The following SBNO1 variants were observed in gnomAD, a reference collection of about 807,000 sequenced individuals.
SBNO1 encodes the protein protein strawberry notch homolog 1.
SBNO1 carries 23 observed loss-of-function variants against 173.6 expected under a neutral mutation model. The observed-to-expected ratio is 0.13, with a 90% CI of 0.10 to 0.19. The LOEUF is 0.19. Ranked by LOEUF, SBNO1 falls within the 10% of genes least tolerant of loss-of-function variation. The pLI is 1.00. For missense variants in SBNO1, 1,238 were observed against 1,671.2 expected (o/e 0.74, Z 4.52); for synonymous variants, 632 against 571.5 (o/e 1.11, Z -1.51).
chr12:123,308,743 A>G (rs1329800013), intron 28 of SBNO1, among the ~76,000 whole-genome samples: 5 of 152,090 alleles, frequency 3.3e-5, no homozygotes, highest in African/African-American at 1.2e-4. Context: ...CAAGGCAGGC[A>G]GATCACCTGA....
chr12:123,314,486 C>T (rs977422177), intron 23 of SBNO1, among the ~76,000 whole-genome samples: 2 of 152,004 alleles, frequency 1.3e-5, no homozygotes, highest in Admixed American at 1.3e-4. Context: ...CACACCACCA[C>T]GCCCAGCTAA....
chr12:123,312,975 C>T (rs1013474791), intron 24 of SBNO1, among the ~76,000 whole-genome samples: 12 of 151,816 alleles, frequency 7.9e-5, no homozygotes, highest in East Asian at 1.9e-4. Context: ...GAGGCTAAAG[C>T]GGGCAGATCA....
chr12:123,298,942 A>G (rs1369222656), intron 30 of SBNO1, among the ~76,000 whole-genome samples: 1 of 152,046 alleles, frequency 6.6e-6, no homozygotes, highest in Non-Finnish European at 1.5e-5. Flanking sequence ...GTTTAAAATA[A>G]TTAGGTATGG....
At chr12:123,317,381 A>T (rs781450600) in intron 20 of SBNO1, 25 bp from the exon 21 acceptor site, 8 of 1,612,492 alleles carry the variant, frequency 5.0e-6, no homozygotes, top group Non-Finnish European at 5.1e-6. Flanking sequence ...AGAAAAATAA[A>T]GTCACTTTTG....
intron 2 of SBNO1, among the ~76,000 whole-genome samples, chr12:123,348,504 C>G (rs1566052128): frequency 1.3e-5 from 2 of 151,570 alleles, no homozygotes; most frequent in Non-Finnish European, 2.9e-5. Flanking sequence ...CAGTGGCTCA[C>G]GCCTGTAATC....
chr12:123,296,333 G>A (rs1403398461), intron 31 of SBNO1, among the ~76,000 whole-genome samples: 3 of 122,772 alleles, frequency 2.4e-5, no homozygotes, highest in Admixed American at 8.3e-5. Context: ...TTAACAGGAG[G>A]TTAAGAATAT....
Position 123,345,483 on chromosome 12 carries a change from G to T in SBNO1, c.325C>A (p.Pro109Thr). Residue 109 changes from proline (P) to threonine (T), a missense_variant, in exon 4 of 32, where the codon CCA becomes ACA. Coordinates refer to ENST00000602398, the MANE Select transcript of SBNO1 (RefSeq NM_001167856.3). ...LGSTIVMTKTPPVTTNRQTIT... is the reference protein window; with the variant it reads ...LGSTIVMTKTTPVTTNRQTIT... ...GTTTGCCTGTTGGTTGTTACAGGTG[G>T]TGTTTTAGTCATTACAATTGTAGAT... 2 of 1,613,976 alleles carry T rather than the reference G, an allele frequency of 1.2e-6. No homozygotes were observed. The highest frequency in any genetic ancestry group is 2.2e-5 in the South Asian group (2 of 91,076).
At chr12:123,364,676 GA>G in intron 1 of SBNO1, 24 bp downstream of exon 1, 3 of 983,722 alleles carry the variant, frequency 3.0e-6, no homozygotes, top group Non-Finnish European at 2.4e-6. Flanking sequence ...TGTGGAAGGA[GA>G]AAAGGGCCAA....
rs139371153 is a variant in SBNO1, at chr12:123,348,095, G to C, written c.171C>G (p.Thr57=). The C allele has an allele frequency of 2.5e-6, 4 of 1,611,608 alleles. No homozygotes were observed. Among genetic ancestry groups the C allele is most frequent in the Non-Finnish European group, 3.4e-6 (4 of 1,178,164 alleles). ...PLSALELGLE[T]EAAVPVKQEP... The stretch of plus-strand genomic sequence containing the variant: ...CTTGTTTAACAGGAACTGCTGCTTC[G>C]GTCTCCAAACCTAGTTCTAATGCAC... The change falls in exon 3 of 32, where the codon ACC becomes ACG. Residue 57 remains threonine, a synonymous_variant. Transcript: ENST00000602398.
intron 30 of SBNO1, among the ~76,000 whole-genome samples, chr12:123,298,447 G>A (rs534963840): frequency 4.7e-4 from 72 of 152,052 alleles, no homozygotes; most frequent in African/African-American, 1.6e-3. Context: ...TAGTAGAGAC[G>A]GTGTTTTGCC....
At chr12:123,340,213 T>C (rs531634931) in intron 5 of SBNO1, among the ~76,000 whole-genome samples, 1 of 152,306 alleles carries the variant, frequency 6.6e-6, no homozygotes, top group East Asian at 1.9e-4. Flanking sequence ...TTAACAATGT[T>C]ATACATGGAG....
At position 123,327,950 on chromosome 12, in the gene SBNO1, T is replaced by C; in HGVS notation, c.1374A>G (p.Ala458=). Residue 458 remains alanine (A), a synonymous_variant, in exon 11 of 32, where the codon GCA becomes GCG. Coordinates refer to ENST00000602398, the MANE Select transcript of SBNO1 (RefSeq NM_001167856.3). ...GSSKPTKTGL[A]VLELQNKLPK... is the part of the protein sequence containing the mutation. ...GCAATTTGTTCTGAAGCTCTAAAACTGCTAAGCCTGTCTTGGTTGGCTTTG... is the reference window on the plus strand; with the variant it reads ...GCAATTTGTTCTGAAGCTCTAAAACCGCTAAGCCTGTCTTGGTTGGCTTTG... 1 of 1,613,530 alleles carries C rather than the reference T, an allele frequency of 6.2e-7. No individual in the cohort carries two copies.
rs1024695620 is a variant in SBNO1 at position 123,289,113 on chromosome 12, T to G, written c.*6795A>C. 6.6e-6 allele frequency: 1 copy of G among 152,196 alleles called. No homozygotes were observed. Among genetic ancestry groups the G allele is most frequent in the Non-Finnish European group, 1.5e-5 (1 of 68,042 alleles). 9.4% of individuals were successfully genotyped at this position (152,196 alleles called of 1,614,324 possible). ...GCGCAAAGAAAGCACAACCCGTGAC[T>G]CGTATTTAATTTATTTAGAATCTTA... is the stretch of plus-strand genomic sequence containing the variant. On this transcript the variant is annotated 3_prime_UTR_variant, in exon 32 of 32. Coordinates refer to ENST00000602398, the MANE Select transcript of SBNO1 (RefSeq NM_001167856.3).
intron 1 of SBNO1, among the ~76,000 whole-genome samples, chr12:123,355,592 A>C (rs959563291): frequency 6.6e-6 from 1 of 151,922 alleles, no homozygotes; most frequent in Non-Finnish European, 1.5e-5. Context: ...CGACAGACCG[A>C]GACTCCATCT....
intron 2 of SBNO1, 85 bp downstream of exon 2, chr12:123,350,218 CACCCCAG>C (rs1873717435): frequency 7.0e-7 from 1 of 1,433,786 alleles, no homozygotes; most frequent in Admixed American, 1.9e-5. Context: ...TGCACCACTG[CACCCCAG>C]CCTGGGCCAC....
Position 123,317,315 on chromosome 12 carries a change from T to C in SBNO1, c.2841A>G (p.Ser947=). 1.9e-6 allele frequency: 3 copies of C among 1,614,004 alleles called. No individual in the cohort carries two copies. Among genetic ancestry groups the C allele is most frequent in the Non-Finnish European group, 2.5e-6 (3 of 1,179,898 alleles). The change falls in exon 21 of 32, where the codon TCA becomes TCG. Residue 947 remains serine, a synonymous_variant. Transcript: ENST00000602398. ...IISEAASSGI[S]LQADRRAKNQ... is the part of the protein sequence containing the mutation. ...TTTTAGCTCTCCTATCTGCTTGTAA[T>C]GAAATACCCGAGCTGGCAGCTTCTG...
chr12:123,316,703 C>CTTT (rs545944754), intron 21 of SBNO1, among the ~76,000 whole-genome samples: 16 of 123,876 alleles, frequency 1.3e-4, no homozygotes, highest in South Asian at 9.9e-4. Flanking sequence ...TTTTCTTCTT[C>CTTT]TTTTTTTTTT....
chr12:123,336,560 ACTCTCTT>A (rs1871865972), intron 5 of SBNO1, 69 bp from the exon 6 acceptor site: 3 of 944,920 alleles, frequency 3.2e-6, no homozygotes, highest in Non-Finnish European at 4.9e-6. Flanking sequence ...ACACAGAAAA[ACTCTCTT>A]GTAGGAACAC....
At chr12:123,347,915 C>T (rs772113092) in intron 3 of SBNO1, 114 bp downstream of exon 3, 6 of 546,304 alleles carry the variant, frequency 1.1e-5, no homozygotes, top group Non-Finnish European at 1.7e-5. Context: ...AATCCTCCTA[C>T]CTCAGCCTCT....
Sources: gnomAD v4.1 joint callset for allele counts (sites outside exome capture counted in the v4.1 genomes callset) on GRCh38, gnomAD v4.1.1 for gene constraint, MANE v1.5 for transcripts, NCBI Gene and HGNC (gene_info 2026-07-23, HGNC 2026-07-21) for gene names.